The following CDC42BPA variants were observed in gnomAD, a reference collection of about 807,000 sequenced individuals.
CDC42BPA encodes CDC42 binding protein kinase alpha.
A neutral mutation model predicts 223.5 loss-of-function variants in CDC42BPA; 80 were observed. The observed-to-expected ratio is 0.36, with a 90% confidence interval of 0.30 to 0.43. The LOEUF is 0.43. Among genes scored for constraint, CDC42BPA ranks in the 20% least tolerant of loss-of-function variants. CDC42BPA has a pLI of 1.00. For synonymous variants in CDC42BPA, 694 were observed against 718.6 expected (o/e 0.97, Z 0.55); for missense variants, 1,743 against 2,099.9 (o/e 0.83, Z 3.32).
chr1:227,171,299 A>C (rs1028528863), intron 5 of CDC42BPA, among the ~76,000 whole-genome samples: 3 of 152,238 alleles, frequency 2.0e-5, no homozygotes, highest in Admixed American at 2.0e-4. Context: ...TTATGATTTT[A>C]GTTTTAAAAT....
intron 1 of CDC42BPA, among the ~76,000 whole-genome samples, chr1:227,309,191 C>A (rs1304061329): frequency 7.2e-6 from 1 of 138,490 alleles, no homozygotes; most frequent in Non-Finnish European, 1.5e-5. Flanking sequence ...CATAGTGAGA[C>A]CCTATCTCTA....
chr1:227,095,589 GT>G (rs35570582), intron 15 of CDC42BPA, among the ~76,000 whole-genome samples: 42,416 of 127,298 alleles, frequency 0.33, 5,337 homozygotes, highest in South Asian at 0.46. Flanking sequence ...AAGTTCTTTG[GT>G]TTTTTTTTTT....
intron 16 of CDC42BPA, 66 bp from the exon 17 acceptor site, chr1:227,081,083 T>C (rs1680529943): frequency 6.5e-7 from 1 of 1,529,884 alleles, no homozygotes; most frequent in Non-Finnish European, 8.9e-7. Flanking sequence ...CAGACAGGTA[T>C]TGTCAAATTT....
chr1:227,083,896 A>AT (rs1375932356), intron 16 of CDC42BPA, among the ~76,000 whole-genome samples: 1 of 152,078 alleles, frequency 6.6e-6, no homozygotes, highest in East Asian at 1.9e-4. Context: ...ATGCACTTCC[A>AT]TTTTTCTCTC....
At chr1:227,238,683 T>C (rs772347962) in intron 2 of CDC42BPA, among the ~76,000 whole-genome samples, 4 of 152,188 alleles carry the variant, frequency 2.6e-5, no homozygotes, top group Non-Finnish European at 4.4e-5. Context: ...AAAAGGTTAA[T>C]ATCATAAGAA....
rs1262176976 is a variant in CDC42BPA at position 227,153,176 on chromosome 1, T to C, written c.694-5617A>G. Among the ~76,000 whole-genome samples, 7 of 151,566 alleles carry C rather than the reference T, an allele frequency of 4.6e-5. No individual in the cohort carries two copies. The South Asian group carries it at 1.0e-3, about 23-fold the overall frequency. On this transcript the variant is annotated intron_variant, in intron 6 of 36. Transcript: ENST00000366766. ...AAAATGGTTAAGAACACAAAAAAAC[T>C]GAATGACAAAATTAGCAATTTTAAT...
At chr1:227,186,743 T>G (rs1399694894) in intron 5 of CDC42BPA, among the ~76,000 whole-genome samples, 1 of 152,138 alleles carries the variant, frequency 6.6e-6, no homozygotes, top group African/African-American at 2.4e-5. Flanking sequence ...CTCAAAGCAG[T>G]CTGAGCTATG....
intron 14 of CDC42BPA, among the ~76,000 whole-genome samples, chr1:227,104,385 C>T (rs971617287): frequency 4.6e-5 from 7 of 152,068 alleles, no homozygotes; most frequent in East Asian, 1.9e-4. Flanking sequence ...TGCGGATAGT[C>T]TTCTTGAATT....
intron 16 of CDC42BPA, among the ~76,000 whole-genome samples, chr1:227,086,776 T>G (rs1368431079): frequency 6.6e-6 from 1 of 151,230 alleles, no homozygotes; most frequent in African/African-American, 2.4e-5. Context: ...ACATAAATCC[T>G]CCCGTTTTAG....
At chr1:227,246,060 AG>A (rs1281416284) in intron 2 of CDC42BPA, among the ~76,000 whole-genome samples, 1 of 152,234 alleles carries the variant, frequency 6.6e-6, no homozygotes, top group South Asian at 2.1e-4. Context: ...TCTGGGCCAG[AG>A]GGGGGCCCAC....
chr1:227,045,123 CT>C (rs1319292095), intron 23 of CDC42BPA, among the ~76,000 whole-genome samples: 1 of 152,170 alleles, frequency 6.6e-6, no homozygotes, highest in Non-Finnish European at 1.5e-5. Context: ...TCTCTCTTTC[CT>C]TGTCCCCTTC....
chr1:227,000,636 T>C (rs1662626076), intron 35 of CDC42BPA, among the ~76,000 whole-genome samples: 1 of 152,132 alleles, frequency 6.6e-6, no homozygotes, highest in African/African-American at 2.4e-5. Context: ...ACAGAAGGTG[T>C]GTGCTGGCCC....
rs192792333 is a variant in CDC42BPA at position 227,092,529 on chromosome 1, G to T, written c.2250-538C>A. 2.7e-3 allele frequency among the ~76,000 whole-genome samples: 414 copies of T among 152,234 alleles called. 4 individuals carry two copies. The highest frequency in any genetic ancestry group is 4.5e-3 in the Non-Finnish European group (303 of 68,002). On this transcript the variant is annotated intron_variant, in intron 15 of 36. Coordinates refer to ENST00000366766, the MANE Select transcript of CDC42BPA (RefSeq NM_001394014.1). ...GGCAAATTAGTTTGAGACCAAATTA[G>T]ATACTTTTCTTTGTGTATTTCCACC...
At chr1:227,134,536 T>C (rs1180311534) in intron 10 of CDC42BPA, among the ~76,000 whole-genome samples, 2 of 152,228 alleles carry the variant, frequency 1.3e-5, no homozygotes, top group African/African-American at 4.8e-5. Context: ...CTACTTTGTA[T>C]GTGATTTATT....
chr1:227,239,951 C>G (rs1352334707), intron 2 of CDC42BPA, among the ~76,000 whole-genome samples: 1 of 152,030 alleles, frequency 6.6e-6, no homozygotes, highest in South Asian at 2.1e-4. Context: ...AATAGAAAGT[C>G]TACAAAGTAA....
At chr1:227,283,998 T>G (rs533055662) in intron 1 of CDC42BPA, among the ~76,000 whole-genome samples, 2 of 152,284 alleles carry the variant, frequency 1.3e-5, no homozygotes, top group Admixed American at 1.3e-4. Flanking sequence ...TGGAGTGGGC[T>G]GCAGTGAGAC....
intron 1 of CDC42BPA, among the ~76,000 whole-genome samples, chr1:227,315,251 G>T (rs1315277799): frequency 1.3e-5 from 2 of 151,412 alleles, no homozygotes; most frequent in Non-Finnish European, 1.5e-5. Context: ...TAAATGAGGT[G>T]TTCTTATACA....
chr1:227,300,499 A>G (rs1262665706), intron 1 of CDC42BPA, among the ~76,000 whole-genome samples: 1 of 152,244 alleles, frequency 6.6e-6, no homozygotes, highest in Non-Finnish European at 1.5e-5. Context: ...AGCCATAAAA[A>G]GAACAAAATA....
At chr1:227,210,795 T>C (rs2150347453) in intron 3 of CDC42BPA, among the ~76,000 whole-genome samples, 1 of 152,342 alleles carries the variant, frequency 6.6e-6, no homozygotes, top group East Asian at 1.9e-4. Flanking sequence ...CTCTAGCTGC[T>C]GATGCTGTCA....
Sources: gnomAD v4.1 joint callset for allele counts (sites outside exome capture counted in the v4.1 genomes callset) on GRCh38, gnomAD v4.1.1 for gene constraint, MANE v1.5 for transcripts, NCBI Gene and HGNC (gene_info 2026-07-23, HGNC 2026-07-21) for gene names.